Variants in LRRC37B observed in about 807,000 individuals in gnomAD.
The protein encoded by LRRC37B is leucine-rich repeat-containing protein 37B.
In LRRC37B, 28 loss-of-function variants were observed where a neutral mutation model predicts 98.3. The observed-to-expected ratio is 0.28, with a 90% CI of 0.21 to 0.39. The LOEUF (loss-of-function observed/expected upper bound fraction) is 0.39. LRRC37B is among the 10% of genes least tolerant of loss of function. The probability of loss-of-function intolerance (pLI) is 1.00; values close to 1 mark genes in which losing one functional copy is unlikely to be tolerated. For synonymous variants in LRRC37B, 364 were observed against 442.7 expected (o/e 0.82, Z 2.23); for missense variants, 938 against 1,182.7 (o/e 0.79, Z 3.03).
intron 5 of LRRC37B, among the ~76,000 whole-genome samples, chr17:32,031,685 G>A (rs1446433268): frequency 6.6e-6 from 1 of 151,640 alleles, no homozygotes; most frequent in East Asian, 1.9e-4. Flanking sequence ...GCATGGGCAA[G>A]AAAAGGCATC....
upstream of LRRC37B, chr17:32,016,806 A>G (rs546440149): frequency 6.6e-6 from 1 of 152,338 alleles, no homozygotes; most frequent in African/African-American, 2.4e-5. Context: ...GAGAAACTGC[A>G]GATCCTAATT....
At position 32,025,024 on chromosome 17, in the gene LRRC37B, T is replaced by C. The variant is rs1187410941; in HGVS notation, c.1832+242T>C. On this transcript the variant is annotated intron_variant, in intron 2 of 11. Transcript: ENST00000327564. ...ATAATACATGGTTATATTCTTTTTT[T>C]TCCTCGTTTTTTTTTTTTTTTTTTT... Among the ~76,000 whole-genome samples, 6 of 123,416 alleles carry C rather than the reference T, an allele frequency of 4.9e-5. 2 individuals are homozygous for C. Among genetic ancestry groups the C allele is most frequent in the Admixed American group, 2.0e-4 (2 of 9,904 alleles). 81.0% of individuals were successfully genotyped at this position (123,416 alleles called of 152,430 possible). A position where few individuals can be genotyped will look rare whatever the true frequency, so the allele number is the denominator to read the frequency against.
chr17:32,009,309 TGGAGA>T (rs1910478135), intron 1 of LRRC37B, among the ~76,000 whole-genome samples: 1 of 152,114 alleles, frequency 6.6e-6, no homozygotes, highest in South Asian at 2.1e-4. Flanking sequence ...TTGCCCAGGC[TGGAGA>T]GCAGTGGCAC....
At chr17:32,023,298 T>A (rs1395720889) in intron 1 of LRRC37B, among the ~76,000 whole-genome samples, 1 of 152,096 alleles carries the variant, frequency 6.6e-6, no homozygotes, top group Non-Finnish European at 1.5e-5. Context: ...ATTTTTTGTG[T>A]TTTTAGTAGA....
At chr17:32,007,853 G>A (rs1225275243), upstream of LRRC37B, 2 of 1,156,630 alleles carry the variant, frequency 1.7e-6, no homozygotes, top group African/African-American at 3.2e-5. The surrounding 1 kb of genome is among the most constrained non-coding windows in gnomAD (Gnocchi z 4.1). Context: ...GCCCCGCGCC[G>A]GCACCAGCGC....
intron 2 of LRRC37B, among the ~76,000 whole-genome samples, chr17:32,027,409 G>A (rs989211418): frequency 1.3e-5 from 2 of 150,234 alleles, no homozygotes; most frequent in Non-Finnish European, 3.0e-5. Flanking sequence ...GTGTGTGCTT[G>A]CAAGTGTGTG....
intron 2 of LRRC37B, among the ~76,000 whole-genome samples, chr17:32,026,786 T>C (rs563162039): frequency 2.0e-5 from 3 of 152,164 alleles, no homozygotes; most frequent in Non-Finnish European, 4.4e-5. Context: ...TGGTTACCTA[T>C]TAGGGTTAGA....
upstream of LRRC37B, chr17:32,007,837 C>G (rs56664240): frequency 0.01 from 11,969 of 1,170,808 alleles, 862 homozygotes; most frequent in African/African-American, 0.16. The surrounding 1 kb of genome is among the most constrained non-coding windows in gnomAD (Gnocchi z 4.1). Flanking sequence ...CCACCGCCGC[C>G]GGCCCGCCCC....
At chr17:32,048,172 C>A in intron 9 of LRRC37B, 1 of 734,786 alleles carries the variant, frequency 1.4e-6, no homozygotes, top group Non-Finnish European at 2.3e-6. Flanking sequence ...GGAAAACAGC[C>A]TGGCAGATTC....
intron 1 of LRRC37B, among the ~76,000 whole-genome samples, chr17:32,023,039 T>A (rs1483266832): frequency 1.3e-5 from 2 of 152,228 alleles, no homozygotes; most frequent in African/African-American, 2.4e-5. Flanking sequence ...CTTTTACTCT[T>A]ACTCGTTTTC....
At chr17:32,009,511 C>T (rs1177187860) in intron 1 of LRRC37B, among the ~76,000 whole-genome samples, 3 of 152,074 alleles carry the variant, frequency 2.0e-5, no homozygotes, top group East Asian at 1.9e-4. Context: ...TGGGCTCAAG[C>T]GATCTGCTGC....
At chr17:32,036,928 A>G (rs1255030923) in intron 7 of LRRC37B, among the ~76,000 whole-genome samples, 1 of 140,122 alleles carries the variant, frequency 7.1e-6, no homozygotes, top group African/African-American at 2.6e-5. Flanking sequence ...GCCATTTTAC[A>G]TTTCCACCAG....
At chr17:32,022,356 G>C (rs1400930658) in exon 1 of LRRC37B, 2 of 1,613,802 alleles carry the variant, frequency 1.2e-6, no homozygotes, top group South Asian at 2.2e-5. Flanking sequence ...TTCAGACAAG[G>C]GTCAGGCTCA....
chr17:32,015,738 T>C (rs1285102598), intron 1 of LRRC37B, among the ~76,000 whole-genome samples: 1 of 152,222 alleles, frequency 6.6e-6, no homozygotes, highest in Non-Finnish European at 1.5e-5. Flanking sequence ...ATGGGTGTCA[T>C]TGGTTGAACA....
chr17:32,047,600 A>G, intron 8 of LRRC37B, 161 bp from the exon 12 acceptor site: 3 of 1,027,340 alleles, frequency 2.9e-6, no homozygotes, highest in Non-Finnish European at 4.3e-6. Context: ...CGTTGTTGCC[A>G]TTTCATAGGT....
exon 1 of LRRC37B, chr17:32,021,868 T>C (rs751557929): frequency 1.2e-5 from 20 of 1,614,104 alleles, no homozygotes; most frequent in Non-Finnish European, 1.7e-5. Flanking sequence ...CCTCCAGAAC[T>C]CCGGGTGAAC....
intron 10 of LRRC37B, among the ~76,000 whole-genome samples, 198 bp downstream of exon 13, chr17:32,049,592 G>A (rs1911689133): frequency 6.6e-6 from 1 of 152,138 alleles, no homozygotes; most frequent in African/African-American, 2.4e-5. Flanking sequence ...GTAGGCCGGG[G>A]GTGGTAGCTC....
At chr17:32,011,593 G>A (rs774034228) in intron 1 of LRRC37B, among the ~76,000 whole-genome samples, 5 of 151,994 alleles carry the variant, frequency 3.3e-5, no homozygotes, top group Non-Finnish European at 7.4e-5. Context: ...CACCTCCTGG[G>A]TTGAAATGAT....
chr17:32,020,367 C>A (rs549236992), upstream of LRRC37B, among the ~76,000 whole-genome samples: 1 of 152,262 alleles, frequency 6.6e-6, no homozygotes, highest in African/African-American at 2.4e-5. Flanking sequence ...CATGTGTGCA[C>A]ACAGGGTAGA....
Sources: allele counts gnomAD v4.1 joint callset (sites outside exome capture counted in the v4.1 genomes callset), GRCh38; gene constraint gnomAD v4.1.1; non-coding constraint Gnocchi (gnomAD v3.1); transcripts MANE v1.5; gene names NCBI Gene and HGNC (gene_info 2026-07-23, HGNC 2026-07-21).